The following PRKDC variants were observed in gnomAD, a reference collection of about 807,000 sequenced individuals.
PRKDC encodes the protein DNA-dependent protein kinase catalytic subunit.
In PRKDC, 82 loss-of-function variants were observed where a neutral mutation model predicts 486.9. The ratio of observed to expected loss-of-function variants is 0.17; its 90% confidence interval spans 0.14 to 0.20. The LOEUF is 0.20. Among genes scored for constraint, PRKDC ranks in the 10% least tolerant of loss-of-function variants. The probability of loss-of-function intolerance (pLI) is 1.00; values close to 1 mark genes in which losing one functional copy is unlikely to be tolerated. For synonymous variants in PRKDC, 1,895 were observed against 1,837.0 expected, an observed-to-expected ratio of 1.03 and a Z score of -0.81; for missense variants, 4,504 against 5,038.2, an observed-to-expected ratio of 0.89 and a Z score of 3.21.
chr8:47,881,268 C>T (rs2089209876), intron 38 of PRKDC, 148 bp downstream of exon 38: 6 of 570,658 alleles, frequency 1.1e-5, no homozygotes, highest in Non-Finnish European at 1.6e-5. Flanking sequence ...TCGAGACTGG[C>T]TAATAAGTAC....
chr8:47,911,876 T>G (rs557096833), intron 25 of PRKDC, among the ~76,000 whole-genome samples: 5 of 151,996 alleles, frequency 3.3e-5, no homozygotes, highest in Non-Finnish European at 7.4e-5. Flanking sequence ...TTCAAGTGAT[T>G]CTCATGCCTC....
intron 54 of PRKDC, among the ~76,000 whole-genome samples, chr8:47,845,017 C>G (rs546651655): frequency 3.3e-5 from 5 of 152,104 alleles, no homozygotes; most frequent in Non-Finnish European, 7.4e-5. Context: ...GAGTTTGAGA[C>G]CAGCCTGACC....
chr8:47,844,175 C>A (rs1017550283), intron 54 of PRKDC, among the ~76,000 whole-genome samples: 1 of 152,246 alleles, frequency 6.6e-6, no homozygotes, highest in African/African-American at 2.4e-5. Context: ...ACAACACCCA[C>A]AGGCTCAAAG....
intron 69 of PRKDC, 32 bp from the exon 70 acceptor site, chr8:47,803,512 G>A: frequency 6.2e-7 from 1 of 1,605,358 alleles, no homozygotes; most frequent in Non-Finnish European, 8.5e-7. Flanking sequence ...AGAGAAGGTG[G>A]TATGATGATA....
chr8:47,864,904 C>A, intron 40 of PRKDC, 141 bp from the exon 41 acceptor site: 2 of 660,770 alleles, frequency 3.0e-6, no homozygotes, highest in Non-Finnish European at 4.7e-6. Context: ...ATGCAAAATC[C>A]ACAAAACACA....
intron 36 of PRKDC, among the ~76,000 whole-genome samples, chr8:47,885,059 G>T (rs1318579380): frequency 6.6e-6 from 1 of 152,220 alleles, no homozygotes; most frequent in Non-Finnish European, 1.5e-5. Flanking sequence ...ACCCTGCATA[G>T]CTGTGCCTTA....
At chr8:47,844,409 G>A (rs2088220056) in intron 54 of PRKDC, among the ~76,000 whole-genome samples, 1 of 152,156 alleles carries the variant, frequency 6.6e-6, no homozygotes, top group Non-Finnish European at 1.5e-5. Flanking sequence ...AGTTCTTTTA[G>A]ATCTATGAAG....
At chr8:47,818,578 C>CAAAA (rs1174698261) in intron 67 of PRKDC, among the ~76,000 whole-genome samples, 35 of 36,106 alleles carry the variant, frequency 9.7e-4, no homozygotes, top group African/African-American at 1.2e-3. Flanking sequence ...GACTCCGTCT[C>CAAAA]AAAAAAAAAA....
At chr8:47,911,464 C>T (rs938573219) in intron 25 of PRKDC, among the ~76,000 whole-genome samples, 8 of 152,224 alleles carry the variant, frequency 5.3e-5, no homozygotes, top group Admixed American at 3.3e-4. Context: ...TTCATTGCTA[C>T]GTTAAATCTA....
chr8:47,823,773 G>A lies in PRKDC; in HGVS notation c.8922+85C>T, dbSNP rs957097095. On this transcript the variant is annotated intron_variant, in intron 64 of 85. Coordinates refer to ENST00000314191, the MANE Select transcript of PRKDC (RefSeq NM_006904.7). ...GACATTGAACCAACAAGGATCTGCT[G>A]TACCTCGTTTTGCTTAAAGTCATAG... 5 of 1,480,644 alleles carry A rather than the reference G, an allele frequency of 3.4e-6. No individual in the cohort carries two copies. In the African/African-American group the frequency reaches 6.9e-5, roughly 21 times the overall value. The allele number at this position is 1,480,644 out of a possible 1,614,324, so 91.7% of individuals were successfully genotyped here.
Position 47,954,424 on chromosome 8 carries a change from G to C in PRKDC, c.422C>G (p.Ser141Cys), listed in dbSNP as rs201231274. 507 of 1,349,220 alleles carry C rather than the reference G, an allele frequency of 3.8e-4. No homozygotes were observed. The African/African-American group carries it at 6.5e-3, about 17-fold the overall frequency. The allele number at this position is 1,349,220 out of a possible 1,614,324, so 83.6% of individuals were successfully genotyped here. A position where few individuals can be genotyped will look rare whatever the true frequency, so the allele number is the denominator to read the frequency against. ...LIKLLQTFRSSRLMDEFKIGE... is the reference protein window; with the variant it reads ...LIKLLQTFRSCRLMDEFKIGE... ...AATTTTAAATTCATCCATGAGTCTA[G>C]AACTTCTAAAAGTCTGAAGTAACTA... The change falls in exon 5 of 86, where the codon TCT becomes TGT. Residue 141 changes from serine (S) to cysteine (C), a missense_variant. Ser to Cys is a moderately radical substitution (Grantham distance 112). Coordinates refer to ENST00000314191, the MANE Select transcript of PRKDC (RefSeq NM_006904.7).
chr8:47,833,174 G>C (rs1322165383), intron 59 of PRKDC, among the ~76,000 whole-genome samples: 1 of 152,186 alleles, frequency 6.6e-6, no homozygotes, highest in African/African-American at 2.4e-5. Context: ...ACCTCTCCAG[G>C]TTCCATTTAG....
In PRKDC at chr8:47,944,459, C is replaced by T. The variant is rs1231200; in HGVS notation, c.722-430G>A. ...CCAATACACCCAGGCATTTATTCAACACCTAGTACATGTAAGAAAAAAATT... is the reference window on the plus strand; with the variant it reads ...CCAATACACCCAGGCATTTATTCAATACCTAGTACATGTAAGAAAAAAATT... On this transcript the variant is annotated intron_variant, in intron 7 of 85. Transcript: ENST00000314191. 2.7e-3 allele frequency among the ~76,000 whole-genome samples: 386 copies of T among 142,840 alleles called. 1 individual carries two copies. The highest frequency in any genetic ancestry group is 4.2e-3 in the Non-Finnish European group (279 of 66,710). 93.7% of individuals were successfully genotyped at this position (142,840 alleles called of 152,430 possible).
chr8:47,921,904 C>G (rs766618455), intron 21 of PRKDC, among the ~76,000 whole-genome samples: 2 of 152,078 alleles, frequency 1.3e-5, no homozygotes, highest in Non-Finnish European at 2.9e-5. Context: ...CCTCAGCCTC[C>G]CGAGTAGCCG....
chr8:47,920,907 C>T (rs2090059716), intron 21 of PRKDC, among the ~76,000 whole-genome samples: 6 of 152,152 alleles, frequency 3.9e-5, no homozygotes, highest in Admixed American at 3.9e-4. Context: ...TCACCACATC[C>T]ATCTCCAGAA....
intron 50 of PRKDC, among the ~76,000 whole-genome samples, chr8:47,854,698 T>C (rs970790821): frequency 3.3e-5 from 5 of 152,230 alleles, no homozygotes; most frequent in Non-Finnish European, 7.3e-5. Context: ...TTTATTTCTG[T>C]TTCTTCCCCA....
At chr8:47,807,466 T>C (rs764961072) in intron 68 of PRKDC, 140 bp from the exon 69 acceptor site, 54 of 651,428 alleles carry the variant, frequency 8.3e-5, no homozygotes, top group Non-Finnish European at 1.2e-4. Context: ...TTGCCCAGGC[T>C]GGAGTGCAGT....
At chr8:47,913,880 T>C in intron 24 of PRKDC, 21 bp downstream of exon 24, 1 of 1,580,694 alleles carries the variant, frequency 6.3e-7, no homozygotes, top group Non-Finnish European at 8.6e-7. Flanking sequence ...AAATAATGGG[T>C]GAAATGAAAA....
chr8:47,825,552 T>C (rs1589723524), intron 63 of PRKDC, among the ~76,000 whole-genome samples: 1 of 132,916 alleles, frequency 7.5e-6, no homozygotes, highest in Admixed American at 7.6e-5. Context: ...ATGTTCACAA[T>C]GCTCTGCAAG....
Sources: gnomAD v4.1 joint callset for allele counts (sites outside exome capture counted in the v4.1 genomes callset) on GRCh38, gnomAD v4.1.1 for gene constraint, MANE v1.5 for transcripts, NCBI Gene and HGNC (gene_info 2026-07-23, HGNC 2026-07-21) for gene names.